The following SVIL variants were observed in gnomAD, a reference collection of about 807,000 sequenced individuals.
The protein encoded by SVIL is supervillin.
Under a neutral mutation model 240.4 loss-of-function variants are expected in SVIL, and 101 were observed. The observed-to-expected ratio is 0.42, with a 90% confidence interval of 0.36 to 0.50. The LOEUF is 0.50. Ranked by LOEUF, SVIL falls within the 20% of genes least tolerant of loss-of-function variation. The pLI is 0.01. For synonymous variants in SVIL, 999 were observed against 1,100.0 expected, an observed-to-expected ratio of 0.91 and a Z score of 1.82; for missense variants, 2,512 against 2,818.7, an observed-to-expected ratio of 0.89 and a Z score of 2.46.
chr10:29,579,638 C>T (rs11592135), intron 1 of SVIL, among the ~76,000 whole-genome samples: 17 of 152,182 alleles, frequency 1.1e-4, no homozygotes, highest in East Asian at 3.9e-4. Flanking sequence ...CAGGTCACAG[C>T]GGCAGCTCAG....
At chr10:29,557,287 G>T (rs1158957372) in intron 3 of SVIL, among the ~76,000 whole-genome samples, 1 of 74,180 alleles carries the variant, frequency 1.3e-5, no homozygotes, top group Non-Finnish European at 2.7e-5. Flanking sequence ...TTGTGGAGAC[G>T]GGGTTTCGCT....
intron 1 of SVIL, among the ~76,000 whole-genome samples, chr10:29,697,087 A>T (rs967622613): frequency 2.9e-5 from 3 of 102,306 alleles, no homozygotes; most frequent in South Asian, 3.9e-4. Flanking sequence ...GGCCACCCCT[A>T]CTGGGAAGTG....
In SVIL at chr10:29,471,190, C is replaced by G. The variant is rs777097646; in HGVS notation, c.5583G>C (p.Gly1861=). ...EPPCFLQCFQ[G]GMVVHSGRRE... Reference sequence around the variant, plus strand: ...GCCTCCCCGAGTGCACCACCATCCCCCCCTGGAAACACTGCAGGAAACAGG... The same window carrying G: ...GCCTCCCCGAGTGCACCACCATCCCGCCCTGGAAACACTGCAGGAAACAGG... Residue 1861 remains glycine (G), a synonymous_variant, in exon 31 of 38, where the codon GGG becomes GGC. Transcript: ENST00000355867. 2 of 1,613,948 alleles carry G rather than the reference C, an allele frequency of 1.2e-6. No individual in the cohort carries two copies. The highest frequency in any genetic ancestry group is 1.7e-6 in the Non-Finnish European group (2 of 1,179,928).
At chr10:29,557,542 C>T (rs940446167) in intron 3 of SVIL, among the ~76,000 whole-genome samples, 1 of 152,170 alleles carries the variant, frequency 6.6e-6, no homozygotes, top group Non-Finnish European at 1.5e-5. Flanking sequence ...AAATCACTTT[C>T]ATTTCATCCA....
intron 16 of SVIL, among the ~76,000 whole-genome samples, chr10:29,515,829 G>T (rs1950164418): frequency 6.6e-6 from 1 of 152,154 alleles, no homozygotes; most frequent in Non-Finnish European, 1.5e-5. Flanking sequence ...TTCCCTGGTG[G>T]TTGCTTTGTG....
chr10:29,463,400 T>G (rs1422159584), intron 35 of SVIL, 92 bp downstream of exon 35: 1 of 1,456,820 alleles, frequency 6.9e-7, no homozygotes. Flanking sequence ...CTGGCTGACA[T>G]GCACAGAAGG....
At chr10:29,701,276 G>A (rs1314029801) in intron 1 of SVIL, among the ~76,000 whole-genome samples, 1 of 151,898 alleles carries the variant, frequency 6.6e-6, no homozygotes, top group Admixed American at 6.6e-5. Context: ...TTCTTTTTGG[G>A]TTGAAGCTGG....
chr10:29,571,444 C>T (rs945657408), intron 1 of SVIL, among the ~76,000 whole-genome samples: 4 of 152,278 alleles, frequency 2.6e-5, no homozygotes, highest in African/African-American at 7.2e-5. Flanking sequence ...CAGAGACCCT[C>T]GTGTATTGGG....
At chr10:29,501,935 TCCA>T (rs1948930106) in intron 17 of SVIL, among the ~76,000 whole-genome samples, 2 of 152,122 alleles carry the variant, frequency 1.3e-5, no homozygotes, top group South Asian at 4.1e-4. Context: ...ATCTCAACAG[TCCA>T]GGGTGGGGTA....
intron 1 of SVIL, among the ~76,000 whole-genome samples, chr10:29,606,461 C>A (rs1432810877): frequency 6.6e-6 from 1 of 152,154 alleles, no homozygotes; most frequent in Admixed American, 6.5e-5. Flanking sequence ...ATACTTCTTT[C>A]TTCTATCTCT....
intron 3 of SVIL, among the ~76,000 whole-genome samples, chr10:29,642,703 A>G (rs749048237): frequency 2.0e-5 from 3 of 151,874 alleles, no homozygotes; most frequent in Non-Finnish European, 4.4e-5. Context: ...TTTTTTTTGG[A>G]GACAGAGTCT....
chr10:29,477,753 G>A (rs1946361593), intron 29 of SVIL, among the ~76,000 whole-genome samples: 1 of 152,178 alleles, frequency 6.6e-6, no homozygotes, highest in South Asian at 2.1e-4. Context: ...TCTAAAGCTG[G>A]GCTTTTTCTA....
At chr10:29,619,002 G>C (rs551987141) in intron 1 of SVIL, among the ~76,000 whole-genome samples, 27 of 152,312 alleles carry the variant, frequency 1.8e-4, no homozygotes, top group Non-Finnish European at 2.5e-4. Flanking sequence ...GATCCAGGTA[G>C]CTTTGTCTAA....
At chr10:29,698,834 TAA>T (rs1168900994) in intron 1 of SVIL, among the ~76,000 whole-genome samples, 1 of 152,172 alleles carries the variant, frequency 6.6e-6, no homozygotes, top group Admixed American at 6.5e-5. Flanking sequence ...AACAATTGCT[TAA>T]AGTTGTCTTT....
At chr10:29,610,021 C>A (rs1429361382) in intron 1 of SVIL, among the ~76,000 whole-genome samples, 1 of 152,202 alleles carries the variant, frequency 6.6e-6, no homozygotes, top group Non-Finnish European at 1.5e-5. Flanking sequence ...ACCTCCCTCC[C>A]CCTGAGAGAC....
chr10:29,584,390 G>A (rs1326415899), intron 1 of SVIL, among the ~76,000 whole-genome samples: 1 of 152,178 alleles, frequency 6.6e-6, no homozygotes, highest in African/African-American at 2.4e-5. Context: ...TTATCTATGA[G>A]GAACATCTGA....
chr10:29,678,807 C>G (rs1960402120), intron 2 of SVIL, among the ~76,000 whole-genome samples: 1 of 152,230 alleles, frequency 6.6e-6, no homozygotes, highest in Non-Finnish European at 1.5e-5. Flanking sequence ...ATTGCTTCTG[C>G]AGCTCTCCTC....
At chr10:29,722,249 A>G (rs2132696985) in intron 1 of SVIL, among the ~76,000 whole-genome samples, 1 of 151,620 alleles carries the variant, frequency 6.6e-6, no homozygotes, top group East Asian at 1.9e-4. Flanking sequence ...AGAAAGAAAG[A>G]AAAGAAAGAA....
intron 17 of SVIL, among the ~76,000 whole-genome samples, chr10:29,503,350 G>C (rs1249696306): frequency 6.6e-6 from 1 of 152,218 alleles, no homozygotes; most frequent in Non-Finnish European, 1.5e-5. Flanking sequence ...TAAGATGAAA[G>C]GAAGGGAATA....
Sources: allele counts gnomAD v4.1 joint callset (sites outside exome capture counted in the v4.1 genomes callset), GRCh38; gene constraint gnomAD v4.1.1; transcripts MANE v1.5; gene names NCBI Gene and HGNC (gene_info 2026-07-23, HGNC 2026-07-21).